APBA1: variants seen among roughly 807,000 people sequenced by gnomAD.
The protein encoded by APBA1 is amyloid beta precursor protein binding family A member 1, also known as amyloid-beta A4 precursor protein-binding family A member 1.
APBA1 carries 55 observed loss-of-function variants against 86.6 expected under a neutral mutation model. The observed-to-expected ratio is 0.64, with a 90% CI of 0.51 to 0.80. The LOEUF (loss-of-function observed/expected upper bound fraction) is 0.80, where lower values mean the gene tolerates loss of function less well. Among genes scored for constraint, APBA1 ranks in the 30% least tolerant of loss-of-function variants. The probability of loss-of-function intolerance (pLI) is 0.00; values close to 1 mark genes in which losing one functional copy is unlikely to be tolerated. For missense variants in APBA1, 1,090 were observed against 1,183.0 expected, an observed-to-expected ratio of 0.92 and a Z score of 1.15; for synonymous variants, 511 against 493.9, an observed-to-expected ratio of 1.03 and a Z score of -0.46.
intron 2 of APBA1, among the ~76,000 whole-genome samples, chr9:69,512,453 GTTTT>G (rs925058208): frequency 1.3e-5 from 2 of 152,064 alleles, no homozygotes; most frequent in African/African-American, 4.8e-5. Context: ...GGCAATACAG[GTTTT>G]TTTGTCTCCT....
chr9:69,533,235 C>T (rs1836459982), intron 1 of APBA1, among the ~76,000 whole-genome samples: 2 of 152,052 alleles, frequency 1.3e-5, no homozygotes, highest in South Asian at 4.1e-4. Flanking sequence ...AAATTAATAA[C>T]AGTGGCTATT....
chr9:69,451,339 T>G (rs1278067881), intron 9 of APBA1, among the ~76,000 whole-genome samples: 1 of 152,214 alleles, frequency 6.6e-6, no homozygotes, highest in African/African-American at 2.4e-5. Flanking sequence ...TTCTGGGGAA[T>G]CTGACCTAAG....
At chr9:69,499,260 C>T (rs1038675213) in intron 2 of APBA1, among the ~76,000 whole-genome samples, 1 of 152,054 alleles carries the variant, frequency 6.6e-6, no homozygotes, top group Non-Finnish European at 1.5e-5. Context: ...GCTAACTATC[C>T]TAGAACCACC....
chr9:69,497,340 T>C (rs62567194), intron 2 of APBA1, among the ~76,000 whole-genome samples: 16,085 of 151,962 alleles, frequency 0.11, 1,017 homozygotes, highest in East Asian at 0.24. Context: ...CACTCTCCTG[T>C]GCGGCTCCCC....
chr9:69,563,294 C>T (rs1053491545), intron 1 of APBA1, among the ~76,000 whole-genome samples: 8 of 151,998 alleles, frequency 5.3e-5, no homozygotes, highest in Non-Finnish European at 1.5e-5. Context: ...CCCATCCCTG[C>T]AAAATGGACT....
At chr9:69,663,291 GTTGCTAGCCTATCATCTAAA>G (rs1823787075) in intron 1 of APBA1, among the ~76,000 whole-genome samples, 1 of 152,228 alleles carries the variant, frequency 6.6e-6, no homozygotes, top group African/African-American at 2.4e-5. Context: ...ATTCATCTAT[GTTGCTAGCCTATCATCTAAA>G]TTGTGTTCTC....
chr9:69,433,137 G>A (rs898095379), intron 11 of APBA1, among the ~76,000 whole-genome samples: 1 of 152,196 alleles, frequency 6.6e-6, no homozygotes, highest in Admixed American at 6.5e-5. Flanking sequence ...ACTCCACTCC[G>A]TGTTCCAAAG....
At chr9:69,572,400 C>A (rs1221705221) in intron 1 of APBA1, among the ~76,000 whole-genome samples, 1 of 152,136 alleles carries the variant, frequency 6.6e-6, no homozygotes, top group Non-Finnish European at 1.5e-5. Context: ...TGCATCCATG[C>A]CCCTGCATCT....
intron 1 of APBA1, among the ~76,000 whole-genome samples, chr9:69,618,218 T>C (rs1428574752): frequency 3.9e-5 from 6 of 152,160 alleles, no homozygotes; most frequent in Non-Finnish European, 7.3e-5. Context: ...ACACACACAA[T>C]AGACACTAAC....
chr9:69,581,232 A>G (rs1332076968), intron 1 of APBA1, among the ~76,000 whole-genome samples: 1 of 152,120 alleles, frequency 6.6e-6, no homozygotes, highest in Non-Finnish European at 1.5e-5. Context: ...CTGCCCTGCA[A>G]TTTCTTCACC....
At chr9:69,437,324 A>C (rs530388718) in intron 11 of APBA1, among the ~76,000 whole-genome samples, 14 of 150,564 alleles carry the variant, frequency 9.3e-5, no homozygotes, top group Admixed American at 3.3e-4. Flanking sequence ...CTCTTTTTCT[A>C]TTGATTGGAA....
At position 69,625,534 on chromosome 9, in the gene APBA1, A is replaced by G. The variant is rs1822910511; in HGVS notation, c.-70+46619T>C. On this transcript the variant is annotated intron_variant, in intron 1 of 12. Coordinates refer to ENST00000265381, the MANE Select transcript of APBA1 (RefSeq NM_001163.4). ...CCAAAAAGATTTGCTGGCTCGGTGA[A>G]TATGGAGAACACTGAGGTTGCCTGA... Among the ~76,000 whole-genome samples, 4 of 152,108 alleles carry G rather than the reference A, an allele frequency of 2.6e-5. No individual in the cohort carries two copies. In the South Asian group the frequency reaches 8.3e-4, roughly 31 times the overall value.
In APBA1 at chr9:69,485,540, G is replaced by A. The variant is rs1329659249; in HGVS notation, c.1201-9397C>T. Among the ~76,000 whole-genome samples, 7 of 148,586 alleles carry A rather than the reference G, an allele frequency of 4.7e-5. 1 individual carries two copies. The highest frequency in any genetic ancestry group is 9.9e-5 in the African/African-American group (4 of 40,232). Reference sequence around the variant, plus strand: ...CATATATCTCTGTCTGGAGACTCACGCCTTCTGGGCTACTGGATGGATATC... The same window carrying A: ...CATATATCTCTGTCTGGAGACTCACACCTTCTGGGCTACTGGATGGATATC... On this transcript the variant is annotated intron_variant, in intron 2 of 12. Transcript: ENST00000265381.
chr9:69,628,143 A>G (rs897037801), intron 1 of APBA1, among the ~76,000 whole-genome samples: 44 of 152,190 alleles, frequency 2.9e-4, no homozygotes, highest in Non-Finnish European at 6.3e-4. Context: ...AAAGAGCTGT[A>G]GGTAGACTCC....
intron 1 of APBA1, among the ~76,000 whole-genome samples, chr9:69,601,619 A>G (rs1822351215): frequency 6.6e-6 from 1 of 152,264 alleles, no homozygotes; most frequent in Non-Finnish European, 1.5e-5. Context: ...GCAGAGTAAC[A>G]GATTCATAGG....
At chr9:69,490,125 C>G (rs1387488659) in intron 2 of APBA1, among the ~76,000 whole-genome samples, 1 of 152,062 alleles carries the variant, frequency 6.6e-6, no homozygotes, top group East Asian at 1.9e-4. Context: ...CACATATACA[C>G]CATGGAATAC....
chr9:69,516,646 C>G lies in APBA1; in HGVS notation c.565G>C (p.Asp189His), dbSNP rs147791053. ...ACGTGCTCCTGGAGGCCGCCGTAGT[C>G]GGCATAGGGCTCGGAGTAGGGCTCG... ...EDEPYSEPYA[D>H]YGGLQEHVYE... Residue 189 changes from aspartate to histidine, a missense_variant, in exon 2 of 13, where the codon GAC becomes CAC. Around this residue, in one of 6 missense-constraint regions of APBA1, gnomAD observed 678 missense variants for 647.1 expected, o/e 1.05. Coordinates refer to ENST00000265381, the MANE Select transcript of APBA1 (RefSeq NM_001163.4). The surrounding 1 kb of genome is among the most constrained non-coding windows in gnomAD (Gnocchi z 7.3). The G allele has an allele frequency of 9.3e-6, 15 of 1,608,866 alleles. No homozygotes were observed. The highest frequency in any genetic ancestry group is 1.3e-5 in the Non-Finnish European group (15 of 1,179,104).
intron 2 of APBA1, among the ~76,000 whole-genome samples, chr9:69,506,171 T>C (rs1835959894): frequency 2.0e-5 from 3 of 151,470 alleles, no homozygotes; most frequent in South Asian, 2.1e-4. Context: ...TTCATCTCAC[T>C]AGGGAGTGCC....
At chr9:69,545,073 A>G (rs1836676364) in intron 1 of APBA1, among the ~76,000 whole-genome samples, 1 of 152,268 alleles carries the variant, frequency 6.6e-6, no homozygotes, top group Admixed American at 6.5e-5. Flanking sequence ...CCCCTCACCC[A>G]GAATAGGTCA....
Sources: allele counts gnomAD v4.1 joint callset (sites outside exome capture counted in the v4.1 genomes callset), GRCh38; gene constraint gnomAD v4.1.1; regional missense constraint gnomAD v4.1.1; non-coding constraint Gnocchi (gnomAD v3.1); transcripts MANE v1.5; gene names NCBI Gene and HGNC (gene_info 2026-07-23, HGNC 2026-07-21).